The following KIF1B variants were observed in gnomAD, a reference collection of about 807,000 sequenced individuals.
KIF1B encodes kinesin-like protein KIF1B.
In KIF1B, 76 loss-of-function variants were observed where a neutral mutation model predicts 241.9. The ratio of observed to expected loss-of-function variants is 0.31; its 90% CI spans 0.26 to 0.38. The LOEUF (loss-of-function observed/expected upper bound fraction) is 0.38. Ranked by LOEUF, KIF1B falls within the 10% of genes least tolerant of loss-of-function variation. The pLI, the probability that KIF1B is intolerant of heterozygous loss-of-function variation, is 1.00. For missense variants in KIF1B, 1,622 were observed against 2,271.4 expected (o/e 0.71, Z 5.81); for synonymous variants, 750 against 796.7 (o/e 0.94, Z 0.99).
At chr1:10,363,533 A>G (rs1557738384) in intron 41 of KIF1B, among the ~76,000 whole-genome samples, 189 bp downstream of exon 41, 1 of 152,114 alleles carries the variant, frequency 6.6e-6, no homozygotes, top group Non-Finnish European at 1.5e-5. Context: ...TTTCTACCAA[A>G]AATACAAAAA....
At chr1:10,372,647 CAGCTTGGGT>C (rs1638767931) in intron 45 of KIF1B, among the ~76,000 whole-genome samples, 1 of 125,362 alleles carries the variant, frequency 8.0e-6, no homozygotes, top group Non-Finnish European at 1.6e-5. Context: ...CGCTGCGCGC[CAGCTTGGGT>C]GACAGAGCTG....
chr1:10,260,578 A>G (rs1392293767), intron 4 of KIF1B, among the ~76,000 whole-genome samples: 1 of 152,200 alleles, frequency 6.6e-6, no homozygotes, highest in Non-Finnish European at 1.5e-5. Flanking sequence ...TTTAAAACAC[A>G]AACAGCCCCA....
In KIF1B at chr1:10,374,615, C is replaced by T; in HGVS notation, c.5096+150C>T. The T allele has an allele frequency of 2.9e-6, 3 of 1,045,552 alleles. No individual in the cohort carries two copies. Among genetic ancestry groups the T allele is most frequent in the Non-Finnish European group, 4.3e-6 (3 of 690,800 alleles). The allele number at this position is 1,045,552 out of a possible 1,614,324, so 64.8% of individuals were successfully genotyped here. On this transcript the variant is annotated intron_variant, in intron 46 of 48. Coordinates refer to ENST00000676179, the MANE Select transcript of KIF1B (RefSeq NM_001365951.3). This position sits in a 1 kb window ranked among gnomAD's most constrained non-coding sequence, Gnocchi z 4.3. ...CAAGTTGAGTCTGGGGTGAGAGGGC[C>T]AGCCTGGGTTTCTCCAGTTGGGTCT...
intron 38 of KIF1B, among the ~76,000 whole-genome samples, chr1:10,358,554 A>G (rs930869448): frequency 2.0e-5 from 3 of 151,962 alleles, no homozygotes; most frequent in Non-Finnish European, 2.9e-5. Flanking sequence ...AAAAACAGGA[A>G]CACAATAAAA....
intron 15 of KIF1B, among the ~76,000 whole-genome samples, chr1:10,285,506 C>T (rs1163002895): frequency 6.6e-6 from 1 of 152,212 alleles, no homozygotes; most frequent in Non-Finnish European, 1.5e-5. Context: ...CAAGACAAAA[C>T]TGTATTACTT....
In KIF1B at chr1:10,368,586, TC is replaced by T. The variant is rs1290543281; in HGVS notation, c.4824+49del. The T allele has an allele frequency of 4.0e-6, 6 of 1,488,116 alleles. No homozygotes were observed. The African/African-American group carries it at 6.9e-5, about 17-fold the overall frequency. 92.2% of individuals were successfully genotyped at this position (1,488,116 alleles called of 1,614,324 possible). On this transcript the variant is annotated intron_variant, in intron 44 of 48. Transcript: ENST00000676179. The stretch of plus-strand genomic sequence containing the variant: ...TTAGCCAGTATGTTGATAACTGATT[TC>T]TCCACAGCAGCCCAGATTACCTATT...
At chr1:10,338,814 C>T (rs2102318042) in intron 31 of KIF1B, among the ~76,000 whole-genome samples, 1 of 152,320 alleles carries the variant, frequency 6.6e-6, no homozygotes, top group Middle Eastern at 3.4e-3. Flanking sequence ...CGTCAGGGAA[C>T]CCCAGGAATG....
chr1:10,320,087 C>A lies in KIF1B; in HGVS notation c.2160C>A (p.Thr720=). The change falls in exon 23 of 49, where the codon ACC becomes ACA. Residue 720 remains threonine, a synonymous_variant. Coordinates refer to ENST00000676179, the MANE Select transcript of KIF1B (RefSeq NM_001365951.3). ...AGGCCTTGCAGAAGCAGGTTGAAAC[C>A]CGATCTCTGGCTGCAGAAACAACTG... ...KLQALQKQVE[T]RSLAAETTEE... is the part of the protein sequence containing the mutation. 6.2e-7 allele frequency: 1 copy of A among 1,613,860 alleles called. No individual in the cohort carries two copies. The highest frequency in any genetic ancestry group is 1.1e-5 in the South Asian group (1 of 91,068).
chr1:10,288,237 T>G (rs893942309), intron 15 of KIF1B, among the ~76,000 whole-genome samples: 2 of 152,254 alleles, frequency 1.3e-5, no homozygotes, highest in South Asian at 4.1e-4. Flanking sequence ...AGCTCACTTA[T>G]GCAGAAGCGT....
chr1:10,284,466 A>G lies in KIF1B; in HGVS notation c.1434+1933A>G, dbSNP rs543596577. 3.0e-4 allele frequency among the ~76,000 whole-genome samples: 46 copies of G among 152,128 alleles called. No individual in the cohort carries two copies. In the South Asian group the frequency reaches 8.1e-3, roughly 27 times the overall value. Reference sequence around the variant, plus strand: ...TTTGGGAGGCTGAGGCAGGCAGATCACTTAAGGTCAGGAGTTCAAGACCAG... The same window carrying G: ...TTTGGGAGGCTGAGGCAGGCAGATCGCTTAAGGTCAGGAGTTCAAGACCAG... On this transcript the variant is annotated intron_variant, in intron 15 of 48. Transcript: ENST00000676179.
At position 10,277,901 on chromosome 1, in the gene KIF1B, A is replaced by G. The variant is rs1052111942; in HGVS notation, c.1038-85A>G. On this transcript the variant is annotated intron_variant, in intron 12 of 48. Transcript: ENST00000676179. ...CTCATAAAATGTAAACACTCAGGAT[A>G]TTTGATTTAGAGATAATAGTATGTT... 34 of 1,201,932 alleles carry G rather than the reference A, an allele frequency of 2.8e-5. No homozygotes were observed. The African/African-American group carries it at 2.9e-4, about 10-fold the overall frequency. The allele number at this position is 1,201,932 out of a possible 1,614,324, so 74.5% of individuals were successfully genotyped here. A position where few individuals can be genotyped will look rare whatever the true frequency, so the allele number is the denominator to read the frequency against.
intron 8 of KIF1B, among the ~76,000 whole-genome samples, 161 bp from the exon 9 acceptor site, chr1:10,272,080 A>C (rs1392806780): frequency 1.3e-5 from 2 of 152,220 alleles, no homozygotes; most frequent in African/African-American, 4.8e-5. Flanking sequence ...TCAGCATGTT[A>C]TTATCAAGTG....
chr1:10,375,858 A>T (rs1638872744), intron 48 of KIF1B, among the ~76,000 whole-genome samples: 1 of 125,428 alleles, frequency 8.0e-6, no homozygotes. Context: ...GTGCAGTGGC[A>T]TGATATCGGC....
chr1:10,279,201 C>A, intron 14 of KIF1B, 63 bp downstream of exon 14: 1 of 1,128,264 alleles, frequency 8.9e-7, no homozygotes. Context: ...TCTGCTGGAT[C>A]AGCCTTAAAA....
chr1:10,285,530 A>G (rs1373092270), intron 15 of KIF1B, among the ~76,000 whole-genome samples: 1 of 152,148 alleles, frequency 6.6e-6, no homozygotes, highest in Non-Finnish European at 1.5e-5. Context: ...TCAGAAAACA[A>G]ATTTCTCTGT....
At chr1:10,338,800 C>G (rs1042182488) in intron 31 of KIF1B, among the ~76,000 whole-genome samples, 1 of 152,228 alleles carries the variant, frequency 6.6e-6, no homozygotes, top group East Asian at 1.9e-4. Context: ...ATGAGTTCAC[C>G]TGTCGTCAGG....
Position 10,308,169 on chromosome 1 carries a change from T to A in KIF1B, c.2115+10923T>A, listed in dbSNP as rs563067434. The A allele has an allele frequency of 2.6e-5, 28 of 1,062,112 alleles. No individual in the cohort carries two copies. The South Asian group carries it at 1.2e-3, about 47-fold the overall frequency. 65.8% of individuals were successfully genotyped at this position (1,062,112 alleles called of 1,614,324 possible). A position where few individuals can be genotyped will look rare whatever the true frequency, so the allele number is the denominator to read the frequency against. On this transcript the variant is annotated intron_variant, in intron 22 of 48. Transcript: ENST00000676179. ...TTTGTAGATTTGCCTTAATGATTTG[T>A]ACAAATGACTGGGAGGCGGGGATGC...
intron 45 of KIF1B, among the ~76,000 whole-genome samples, chr1:10,373,731 G>T (rs1308372396): frequency 6.6e-6 from 1 of 152,314 alleles, no homozygotes; most frequent in South Asian, 2.1e-4. Context: ...CTGCACAGCC[G>T]TTCAGGAACC....
At chr1:10,240,190 C>G (rs1243434342) in intron 2 of KIF1B, among the ~76,000 whole-genome samples, 1 of 152,064 alleles carries the variant, frequency 6.6e-6, no homozygotes, top group Non-Finnish European at 1.5e-5. Flanking sequence ...GCGTGAGCCA[C>G]CACACCCTGC....
Sources: gnomAD v4.1 joint callset for allele counts (sites outside exome capture counted in the v4.1 genomes callset) on GRCh38, gnomAD v4.1.1 for gene constraint, Gnocchi (gnomAD v3.1) non-coding constraint, MANE v1.5 for transcripts, NCBI Gene and HGNC (gene_info 2026-07-23, HGNC 2026-07-21) for gene names.